SRFBP1: variants seen among roughly 807,000 people sequenced by gnomAD.
SRFBP1 encodes serum response factor-binding protein 1.
SRFBP1 carries 47 observed loss-of-function variants against 45.5 expected under a neutral mutation model. The observed-to-expected ratio is 1.03, with a 90% CI of 0.82 to 1.32. The LOEUF (loss-of-function observed/expected upper bound fraction) is 1.32. SRFBP1 is among the 40% of genes most tolerant of loss of function. SRFBP1 has a pLI of 0.00. For synonymous variants in SRFBP1, 203 were observed against 166.3 expected, an observed-to-expected ratio of 1.22 and a Z score of -1.70; for missense variants, 621 against 484.6, an observed-to-expected ratio of 1.28 and a Z score of -2.64.
At chr5:121,994,706 A>G (rs781454617) in intron 4 of SRFBP1, 36 bp downstream of exon 4, 1 of 1,378,230 alleles carries the variant, frequency 7.3e-7, no homozygotes. Flanking sequence ...TCTTATGAAA[A>G]GTTTCTCATC....
At chr5:121,994,170 AGTT>A (rs1461095194) in intron 3 of SRFBP1, among the ~76,000 whole-genome samples, 2 of 151,976 alleles carry the variant, frequency 1.3e-5, no homozygotes, top group African/African-American at 4.8e-5. Flanking sequence ...TTTATGTAAT[AGTT>A]GTGTTTTATT....
intron 2 of SRFBP1, among the ~76,000 whole-genome samples, chr5:122,042,794 G>T (rs1228790804): frequency 6.6e-6 from 1 of 151,748 alleles, no homozygotes; most frequent in East Asian, 1.9e-4. Context: ...CTGTTTTCTC[G>T]ATTTTCCTTC....
At chr5:122,052,051 T>C (rs939648122) in intron 2 of SRFBP1, among the ~76,000 whole-genome samples, 2 of 152,204 alleles carry the variant, frequency 1.3e-5, no homozygotes, top group Non-Finnish European at 2.9e-5. Context: ...GAAATTTTTT[T>C]CTTTAAGAAT....
intron 3 of SRFBP1, among the ~76,000 whole-genome samples, chr5:121,976,392 GA>G (rs927276332): frequency 1.3e-5 from 2 of 149,810 alleles, no homozygotes; most frequent in Non-Finnish European, 1.5e-5. Flanking sequence ...AGTCCTTCAG[GA>G]AAAAAAAGTC....
chr5:122,077,885 T>A (rs1392060664), downstream of SRFBP1: 1 of 1,535,726 alleles, frequency 6.5e-7, no homozygotes, highest in Admixed American at 2.1e-5. The surrounding 1 kb of genome is among the most constrained non-coding windows in gnomAD (Gnocchi z 4.9). Flanking sequence ...CGCCGGCGGC[T>A]CGCGCGGGGG....
chr5:122,030,779 A>G (rs755194994), downstream of SRFBP1, among the ~76,000 whole-genome samples: 1 of 152,194 alleles, frequency 6.6e-6, no homozygotes, highest in Non-Finnish European at 1.5e-5. Flanking sequence ...CTTTTTAACC[A>G]AAAGTAACCA....
At chr5:122,000,759 C>T (rs1357382549) in intron 4 of SRFBP1, among the ~76,000 whole-genome samples, 1 of 152,046 alleles carries the variant, frequency 6.6e-6, no homozygotes, top group African/African-American at 2.4e-5. Context: ...GTTTTTTGCT[C>T]TTTCTGGTTC....
chr5:121,962,598 C>T (rs1244996649), intron 1 of SRFBP1, among the ~76,000 whole-genome samples: 1 of 152,196 alleles, frequency 6.6e-6, no homozygotes, highest in Non-Finnish European at 1.5e-5. Context: ...AGCAGAACTT[C>T]AATAAAGAGC....
At chr5:122,041,791 C>T (rs990893809) in intron 2 of SRFBP1, among the ~76,000 whole-genome samples, 8 of 152,082 alleles carry the variant, frequency 5.3e-5, no homozygotes, top group African/African-American at 1.9e-4. Context: ...TTCTAATTTT[C>T]ATAATTCTTT....
chr5:122,004,345 A>G (rs1752937604), intron 4 of SRFBP1, among the ~76,000 whole-genome samples: 1 of 151,592 alleles, frequency 6.6e-6, no homozygotes, highest in Non-Finnish European at 1.5e-5. Flanking sequence ...TTTCATGTGG[A>G]TATCCAGTTG....
chr5:122,048,075 A>G (rs969689068), intron 2 of SRFBP1, among the ~76,000 whole-genome samples: 6 of 152,130 alleles, frequency 3.9e-5, no homozygotes, highest in Admixed American at 6.6e-5. Flanking sequence ...GGAACTTCCA[A>G]CACTATATTG....
At chr5:122,018,883 G>C (rs942411411) in intron 4 of SRFBP1, among the ~76,000 whole-genome samples, 1 of 152,060 alleles carries the variant, frequency 6.6e-6, no homozygotes, top group African/African-American at 2.4e-5. Flanking sequence ...GCACTAATAT[G>C]TTATTTGATT....
chr5:122,013,693 T>G (rs1753139976), intron 4 of SRFBP1, among the ~76,000 whole-genome samples: 1 of 152,190 alleles, frequency 6.6e-6, no homozygotes, highest in African/African-American at 2.4e-5. Context: ...AACATTTTAA[T>G]GACTTAACTG....
Position 121,973,617 on chromosome 5 carries a change from G to T in SRFBP1, c.37-579G>T, listed in dbSNP as rs73285732. ...TTGTATGTGTGTGCATGTGTGTGTG[G>T]GGGGGGGGCATGTATGTTTACATGC... On this transcript the variant is annotated intron_variant, in intron 1 of 7. Coordinates refer to ENST00000339397, the MANE Select transcript of SRFBP1 (RefSeq NM_152546.3). Among the ~76,000 whole-genome samples the T allele has an allele frequency of 7.3e-3, 1,033 of 141,362 alleles. 5 individuals carry two copies. The highest frequency in any genetic ancestry group is 0.018 in the African/African-American group (711 of 39,426). 92.7% of individuals were successfully genotyped at this position (141,362 alleles called of 152,430 possible).
intron 4 of SRFBP1, among the ~76,000 whole-genome samples, chr5:121,995,866 C>T (rs1026866551): frequency 1.3e-5 from 2 of 152,016 alleles, no homozygotes. Flanking sequence ...AAACTACCAT[C>T]AGAGAATACT....
chr5:122,020,538 G>A lies in SRFBP1; in HGVS notation c.803G>A (p.Arg268Lys), dbSNP rs1268111951. ...TATTTTGATGATAGCACAGAAGAAAGGTTTTACAAGCAGTCTTCCATGTCT... is the reference window on the plus strand; with the variant it reads ...TATTTTGATGATAGCACAGAAGAAAAGTTTTACAAGCAGTCTTCCATGTCT... ...KEYFDDSTEE[R>K]FYKQSSMSED... The change falls in exon 6 of 8, where the codon AGG becomes AAG. Residue 268 changes from arginine (R) to lysine (K), a missense_variant. Coordinates refer to ENST00000339397, the MANE Select transcript of SRFBP1 (RefSeq NM_152546.3). The A allele has an allele frequency of 6.2e-7, 1 of 1,614,132 alleles. No individual in the cohort carries two copies. Among genetic ancestry groups the A allele is most frequent in the East Asian group, 2.2e-5 (1 of 44,868 alleles).
rs80098554 is a variant in SRFBP1 at position 122,004,388 on chromosome 5, T to C, written c.270+9718T>C. The stretch of plus-strand genomic sequence containing the variant: ...ACTGTTTATTGAACAGACTGTCCTT[T>C]CCTTATTGTATGTTCTTGGCAGCTT... On this transcript the variant is annotated intron_variant, in intron 4 of 7. Coordinates refer to ENST00000339397, the MANE Select transcript of SRFBP1 (RefSeq NM_152546.3). 4.1e-3 allele frequency among the ~76,000 whole-genome samples: 624 copies of C among 152,294 alleles called. 15 individuals are homozygous for C. In the East Asian group the frequency reaches 0.053, roughly 13 times the overall value.
chr5:122,075,564 A>G lies in SRFBP1; in HGVS notation n.561A>G, dbSNP rs141511990. The stretch of plus-strand genomic sequence containing the variant: ...GTACTGTGATTTTGAAAAAAGAAAA[A>G]TTATTATATTCATGGAATATTAACT... On this transcript the variant is annotated non_coding_transcript_exon_variant, in exon 3 of 3. Transcript: ENST00000504881. 801 of 1,496,506 alleles carry G rather than the reference A, an allele frequency of 5.4e-4. 4 individuals are homozygous for G. The African/African-American group carries it at 9.9e-3, about 19-fold the overall frequency. The allele number at this position is 1,496,506 out of a possible 1,614,324, so 92.7% of individuals were successfully genotyped here. A position where few individuals can be genotyped will look rare whatever the true frequency, so the allele number is the denominator to read the frequency against.
chr5:122,076,983 G>A (rs1187021771), downstream of SRFBP1: 2 of 1,613,470 alleles, frequency 1.2e-6, no homozygotes, highest in African/African-American at 2.7e-5. Flanking sequence ...GTAGGGGTCG[G>A]CCACCAGGTC....
Sources: allele counts gnomAD v4.1 joint callset (sites outside exome capture counted in the v4.1 genomes callset), GRCh38; gene constraint gnomAD v4.1.1; non-coding constraint Gnocchi (gnomAD v3.1); transcripts MANE v1.5; gene names NCBI Gene and HGNC (gene_info 2026-07-23, HGNC 2026-07-21).